OXSR1: variants seen among roughly 807,000 people sequenced by gnomAD.
OXSR1 encodes oxidative stress responsive kinase 1.
A neutral mutation model predicts 79.8 loss-of-function variants in OXSR1; 24 were observed. The observed-to-expected ratio is 0.30, with a 90% confidence interval of 0.22 to 0.42. The LOEUF (loss-of-function observed/expected upper bound fraction) is 0.42, where lower values mean the gene tolerates loss of function less well. OXSR1 is among the 10% of genes least tolerant of loss of function. The probability of loss-of-function intolerance (pLI) is 1.00; values close to 1 mark genes in which losing one functional copy is unlikely to be tolerated. For missense variants in OXSR1, 430 were observed against 618.4 expected (o/e 0.70, Z 3.23); for synonymous variants, 226 against 209.2 (o/e 1.08, Z -0.69).
chr3:38,182,950 C>A lies in OXSR1; in HGVS notation c.71-53C>A. On this transcript the variant is annotated intron_variant, in intron 1 of 17. Transcript: ENST00000311806. ...TAAATTGTATGGGAATTAGAAATGT[C>A]ATGTTTTTATATATCCATCTACTTA... 3.2e-6 allele frequency: 3 copies of A among 947,236 alleles called. No homozygotes were observed. In the South Asian group the frequency reaches 4.2e-5, roughly 13 times the overall value. 58.7% of individuals were successfully genotyped at this position (947,236 alleles called of 1,614,324 possible).
At chr3:38,235,211 A>G (rs986082214) in intron 10 of OXSR1, among the ~76,000 whole-genome samples, 2 of 152,228 alleles carry the variant, frequency 1.3e-5, no homozygotes, top group African/African-American at 4.8e-5. Context: ...ATTGAACTGT[A>G]TACTTTGAGT....
intron 1 of OXSR1, among the ~76,000 whole-genome samples, chr3:38,174,464 C>A (rs1164703132): frequency 6.6e-6 from 1 of 152,142 alleles, no homozygotes; most frequent in Non-Finnish European, 1.5e-5. Flanking sequence ...TGTCTGTAAT[C>A]CCAGCTACTC....
At chr3:38,169,219 T>G (rs1050100051) in intron 1 of OXSR1, among the ~76,000 whole-genome samples, 17 of 152,210 alleles carry the variant, frequency 1.1e-4, no homozygotes, top group African/African-American at 3.6e-4. Flanking sequence ...ATGTCCTTAT[T>G]TATTAGACTT....
intron 1 of OXSR1, among the ~76,000 whole-genome samples, chr3:38,171,577 TGTTCTTC>T (rs1310680268): frequency 1.3e-5 from 2 of 152,238 alleles, no homozygotes. Context: ...CATTCTGTTT[TGTTCTTC>T]GTCTTTCTGG....
intron 1 of OXSR1, among the ~76,000 whole-genome samples, chr3:38,182,290 G>T (rs985992615): frequency 4.6e-5 from 7 of 152,168 alleles, no homozygotes; most frequent in Admixed American, 2.0e-4. Context: ...CCGCACGTGT[G>T]GGGTAGACAC....
chr3:38,227,561 AC>A (rs1702716053), intron 8 of OXSR1, among the ~76,000 whole-genome samples: 3 of 150,824 alleles, frequency 2.0e-5, no homozygotes, highest in African/African-American at 7.4e-5. Flanking sequence ...ACACACACAC[AC>A]ACACACACAC....
intron 5 of OXSR1, among the ~76,000 whole-genome samples, chr3:38,220,318 G>T (rs968492807): frequency 1.3e-5 from 2 of 151,294 alleles, no homozygotes; most frequent in African/African-American, 4.9e-5. Flanking sequence ...CTCACAATTG[G>T]GTTTTCTGTA....
chr3:38,223,943 G>T, intron 7 of OXSR1, 30 bp downstream of exon 7: 1 of 1,349,456 alleles, frequency 7.4e-7, no homozygotes, highest in Non-Finnish European at 1.0e-6. Flanking sequence ...TACTACCCCA[G>T]CTCAAGTCCC....
intron 1 of OXSR1, among the ~76,000 whole-genome samples, chr3:38,182,154 A>T (rs1373167373): frequency 6.6e-6 from 1 of 151,886 alleles, no homozygotes; most frequent in African/African-American, 2.4e-5. Context: ...TTGGAATGCT[A>T]TTTTTTTCTG....
intron 1 of OXSR1, among the ~76,000 whole-genome samples, chr3:38,181,917 T>G (rs1268468548): frequency 6.6e-6 from 1 of 151,992 alleles, no homozygotes; most frequent in Non-Finnish European, 1.5e-5. Context: ...GACAGGTTCT[T>G]GCTATGTTTC....
chr3:38,173,530 G>T (rs941595736), intron 1 of OXSR1, among the ~76,000 whole-genome samples: 9 of 152,154 alleles, frequency 5.9e-5, no homozygotes, highest in African/African-American at 1.9e-4. Flanking sequence ...TGGAATTATT[G>T]TAATGATTAG....
rs35109223 is a variant in OXSR1, at chr3:38,222,584, T to TA, written c.600+898dup. 2.9e-3 allele frequency among the ~76,000 whole-genome samples: 440 copies of TA among 152,256 alleles called. 1 individual carries two copies. Among genetic ancestry groups the TA allele is most frequent in the African/African-American group, 0.01 (420 of 41,554 alleles). On this transcript the variant is annotated intron_variant, in intron 6 of 17. Transcript: ENST00000311806. ...ACTATTGATCCTTAATTTTAGGTCTTACACACTACACACTCCCCAAACCTA... is the reference window on the plus strand; with the variant it reads ...ACTATTGATCCTTAATTTTAGGTCTTAACACACTACACACTCCCCAAACCTA...
chr3:38,218,333 G>A (rs886163968), intron 5 of OXSR1, among the ~76,000 whole-genome samples: 1 of 151,758 alleles, frequency 6.6e-6, no homozygotes, highest in African/African-American at 2.4e-5. Flanking sequence ...TGGGTTTTTT[G>A]TTTTTTCAGG....
chr3:38,218,458 A>G (rs982756262), intron 5 of OXSR1, among the ~76,000 whole-genome samples: 1 of 152,110 alleles, frequency 6.6e-6, no homozygotes, highest in East Asian at 1.9e-4. Flanking sequence ...GGCCATTTGT[A>G]TATCTTCTTT....
chr3:38,191,051 C>T (rs1288409545), intron 3 of OXSR1, among the ~76,000 whole-genome samples: 1 of 151,972 alleles, frequency 6.6e-6, no homozygotes, highest in Admixed American at 6.6e-5. Context: ...TTAAATCTCT[C>T]TTAATTCTTT....
At chr3:38,213,234 T>C (rs955505159) in intron 4 of OXSR1, among the ~76,000 whole-genome samples, 3 of 152,192 alleles carry the variant, frequency 2.0e-5, no homozygotes, top group African/African-American at 7.2e-5. Context: ...TGTTAAATTA[T>C]TTGATAGTAT....
chr3:38,176,915 T>C (rs1701701500), intron 1 of OXSR1, among the ~76,000 whole-genome samples: 2 of 152,218 alleles, frequency 1.3e-5, no homozygotes, highest in Non-Finnish European at 2.9e-5. Context: ...CCAGCATGGT[T>C]TTGGTTTACA....
chr3:38,187,719 AG>A (rs1343870299), intron 2 of OXSR1, among the ~76,000 whole-genome samples: 1 of 152,154 alleles, frequency 6.6e-6, no homozygotes, highest in Non-Finnish European at 1.5e-5. Flanking sequence ...TTTCATTAGA[AG>A]GGGTGGAATT....
At chr3:38,166,035 C>T (rs1701445224) in intron 1 of OXSR1, 89 bp downstream of exon 1, 2 of 1,210,958 alleles carry the variant, frequency 1.7e-6, no homozygotes. Context: ...TCGGGGAGCG[C>T]AGCCCTCATA....
Sources: gnomAD v4.1 joint callset for allele counts (sites outside exome capture counted in the v4.1 genomes callset) on GRCh38, gnomAD v4.1.1 for gene constraint, MANE v1.5 for transcripts, NCBI Gene and HGNC (gene_info 2026-07-23, HGNC 2026-07-21) for gene names.